The following TJP1 variants were observed in gnomAD, a reference collection of about 807,000 sequenced individuals.
The protein encoded by TJP1 is tight junction protein ZO-1.
A neutral mutation model predicts 194.2 loss-of-function variants in TJP1; 43 were observed. The observed-to-expected ratio is 0.22, with a 90% CI of 0.17 to 0.29. TJP1 has a LOEUF of 0.29. Among genes scored for constraint, TJP1 ranks in the 10% least tolerant of loss-of-function variants. The probability of loss-of-function intolerance (pLI) is 1.00; values close to 1 mark genes in which losing one functional copy is unlikely to be tolerated. For synonymous variants in TJP1, 801 were observed against 779.0 expected, an observed-to-expected ratio of 1.03 and a Z score of -0.47; for missense variants, 1,971 against 2,185.7, an observed-to-expected ratio of 0.90 and a Z score of 1.96.
Position 29,871,457 on chromosome 15 carries a change from C to T in TJP1, c.307-70755G>A, listed in dbSNP as rs77031387. 3.3e-4 allele frequency among the ~76,000 whole-genome samples: 51 copies of T among 152,324 alleles called. 1 individual carries two copies. The East Asian group carries it at 9.9e-3, about 29-fold the overall frequency. On this transcript the variant is annotated intron_variant, in intron 2 of 28. Transcript: ENST00000356107. Reference sequence around the variant, plus strand: ...GCCCGTGTAGCCCCCTCTCTGTGAACGTAGGAGAAGCGAAGCCATTGGCTT... The same window carrying T: ...GCCCGTGTAGCCCCCTCTCTGTGAATGTAGGAGAAGCGAAGCCATTGGCTT...
chr15:29,933,381 A>G (rs1054881594), intron 2 of TJP1, among the ~76,000 whole-genome samples: 1 of 152,204 alleles, frequency 6.6e-6, no homozygotes, highest in African/African-American at 2.4e-5. Context: ...GAGCAGAATA[A>G]TATGTTGGGA....
chr15:29,747,531 A>C lies in TJP1; in HGVS notation c.1011-4750T>G, dbSNP rs2044883635. Among the ~76,000 whole-genome samples the C allele has an allele frequency of 3.3e-5, 5 of 152,144 alleles. No individual in the cohort carries two copies. The South Asian group carries it at 1.0e-3, about 31-fold the overall frequency. Reference sequence around the variant, plus strand: ...TATTTTTAAAAAGAGAAAAGTGAAAAAATAAGTTAAAATGAGTATTTTTAA... The same window carrying C: ...TATTTTTAAAAAGAGAAAAGTGAAACAATAAGTTAAAATGAGTATTTTTAA... On this transcript the variant is annotated intron_variant, in intron 8 of 27. Transcript: ENST00000614355.
chr15:29,841,872 T>A (rs546911663), intron 2 of TJP1, among the ~76,000 whole-genome samples: 24 of 152,314 alleles, frequency 1.6e-4, no homozygotes, highest in Admixed American at 3.3e-4. Context: ...ATATCTTGTA[T>A]GTACTATACA....
At chr15:29,711,795 G>A (rs1211103927) in intron 23 of TJP1, among the ~76,000 whole-genome samples, 2 of 152,110 alleles carry the variant, frequency 1.3e-5, no homozygotes, top group Non-Finnish European at 2.9e-5. Context: ...GTGGTCTTTT[G>A]GCCCATACAG....
chr15:29,875,750 G>C (rs1045180110), intron 2 of TJP1, among the ~76,000 whole-genome samples: 2 of 152,026 alleles, frequency 1.3e-5, no homozygotes, highest in African/African-American at 4.8e-5. Flanking sequence ...TATTTTATTA[G>C]AGACAGGGTT....
At chr15:29,921,690 T>C (rs2054364737) in intron 2 of TJP1, among the ~76,000 whole-genome samples, 1 of 152,166 alleles carries the variant, frequency 6.6e-6, no homozygotes, top group African/African-American at 2.4e-5. Context: ...ATGGATCATA[T>C]TTTTCAACAG....
At chr15:29,727,100 T>C (rs2043287888) in intron 16 of TJP1, 109 bp from the exon 17 acceptor site, 7 of 964,826 alleles carry the variant, frequency 7.3e-6, no homozygotes, top group Admixed American at 2.3e-5. Flanking sequence ...TCCTAGCACT[T>C]TGGGAGGTCG....
At chr15:29,779,203 T>C (rs1017564592) in intron 2 of TJP1, among the ~76,000 whole-genome samples, 1 of 152,136 alleles carries the variant, frequency 6.6e-6, no homozygotes, top group African/African-American at 2.4e-5. Flanking sequence ...CAACTGGGCC[T>C]GCATGAATGC....
At chr15:29,746,726 C>T (rs932786417) in intron 8 of TJP1, among the ~76,000 whole-genome samples, 17 of 150,690 alleles carry the variant, frequency 1.1e-4, no homozygotes, top group African/African-American at 4.2e-4. Context: ...GTTTTATTAA[C>T]GTATATTATT....
chr15:29,820,095 T>C (rs1442844235), intron 1 of TJP1, among the ~76,000 whole-genome samples: 2 of 151,408 alleles, frequency 1.3e-5, no homozygotes, highest in Non-Finnish European at 1.5e-5. Context: ...ACTGGCTTAT[T>C]AGACAAGAGT....
At position 29,700,858 on chromosome 15, in the gene TJP1, A is replaced by G. The variant is rs951496428; in HGVS notation, c.*737T>C. 1.3e-5 allele frequency: 2 copies of G among 158,582 alleles called. No homozygotes were observed. The highest frequency in any genetic ancestry group is 4.8e-5 in the African/African-American group (2 of 41,780). 9.8% of individuals were successfully genotyped at this position (158,582 alleles called of 1,614,324 possible). A position where few individuals can be genotyped will look rare whatever the true frequency, so the allele number is the denominator to read the frequency against. On this transcript the variant is annotated 3_prime_UTR_variant, in exon 28 of 28. Coordinates refer to ENST00000614355, the MANE Select transcript of TJP1 (RefSeq NM_001330239.4). The stretch of plus-strand genomic sequence containing the variant: ...CAGTCTTTGTCATGATACAGTATCT[A>G]GATAATGCACAAAAGCCATAAAAAC...
At chr15:29,822,576 G>C (rs1477510196), upstream of TJP1, 1 of 737,464 alleles carries the variant, frequency 1.4e-6, no homozygotes, top group Non-Finnish European at 1.7e-6. Context: ...GGCGGGGGAG[G>C]GGGCGGGACG....
intron 2 of TJP1, among the ~76,000 whole-genome samples, chr15:29,924,394 A>T (rs2054461481): frequency 6.6e-6 from 1 of 152,188 alleles, no homozygotes; most frequent in Non-Finnish European, 1.5e-5. Context: ...ATTGGAAAAA[A>T]CTGCAAAAAA....
Position 29,700,178 on chromosome 15 carries a change from G to C in TJP1, c.*1417C>G. ...TTATTTTAAAAAGTTTTATTTTGGA[G>C]ATTTAGAAATTTGAGATTTTTAATA... On this transcript the variant is annotated 3_prime_UTR_variant, in exon 28 of 28. Transcript: ENST00000614355. The C allele has an allele frequency of 2.5e-6, 1 of 398,696 alleles. No individual in the cohort carries two copies. The highest frequency in any genetic ancestry group is 4.4e-6 in the Non-Finnish European group (1 of 225,974). The allele number at this position is 398,696 out of a possible 1,614,324, so 24.7% of individuals were successfully genotyped here.
rs771094582 is a variant in TJP1, at chr15:29,773,240, G to C, written c.202C>G (p.Gln68Glu). The change falls in exon 3 of 28, where the codon CAG (glutamine) becomes GAG (glutamate). Residue 68 changes from glutamine (Q) to glutamate (E), a missense_variant. Coordinates refer to ENST00000614355, the MANE Select transcript of TJP1 (RefSeq NM_001330239.4). Reference sequence around the variant, plus strand: ...GATAAGCAGCACTCTTACTGTAGCTGTCCTTCAGCTGGTCCTCCTTTCAGC... The same window carrying C: ...GATAAGCAGCACTCTTACTGTAGCTCTCCTTCAGCTGGTCCTCCTTTCAGC... The part of the protein sequence containing the change: ...DVLKGGPAEG[Q>E]LQENDRVAMV... The C allele has an allele frequency of 1.9e-6, 3 of 1,613,870 alleles. No individual in the cohort carries two copies. Among genetic ancestry groups the C allele is most frequent in the Non-Finnish European group, 1.7e-6 (2 of 1,179,840 alleles).
intron 1 of TJP1, among the ~76,000 whole-genome samples, chr15:29,821,798 C>A (rs1359357744): frequency 1.4e-5 from 2 of 147,778 alleles, no homozygotes; most frequent in Non-Finnish European, 3.0e-5. Context: ...CCGGCCGCCC[C>A]CAGTGCGGCC....
chr15:29,939,255 T>G (rs572453201), intron 2 of TJP1, among the ~76,000 whole-genome samples: 7 of 152,210 alleles, frequency 4.6e-5, no homozygotes, highest in Admixed American at 1.3e-4. Context: ...TAATGCTTCA[T>G]GACATACGAT....
chr15:29,753,657 C>T lies in TJP1; in HGVS notation c.1010+7482G>A, dbSNP rs562160466. Among the ~76,000 whole-genome samples the T allele has an allele frequency of 9.2e-5, 14 of 151,974 alleles. No homozygotes were observed. The South Asian group carries it at 2.3e-3, about 25-fold the overall frequency. ...ACAGAAGGAACATTCACTGTGGTGCCGCCTGTTGATCACTCAGAACTATGC... is the reference window on the plus strand; with the variant it reads ...ACAGAAGGAACATTCACTGTGGTGCTGCCTGTTGATCACTCAGAACTATGC... On this transcript the variant is annotated intron_variant, in intron 8 of 27. Transcript: ENST00000614355.
chr15:29,908,193 G>A (rs2053890483), intron 2 of TJP1, among the ~76,000 whole-genome samples: 1 of 151,360 alleles, frequency 6.6e-6, no homozygotes, highest in South Asian at 2.1e-4. Context: ...TATTTTGAAA[G>A]GGCCTACTCA....
Sources: gnomAD v4.1 joint callset for allele counts (sites outside exome capture counted in the v4.1 genomes callset) on GRCh38, gnomAD v4.1.1 for gene constraint, MANE v1.5 for transcripts, NCBI Gene and HGNC (gene_info 2026-07-23, HGNC 2026-07-21) for gene names.